ATP2C1: variants seen among roughly 807,000 people sequenced by gnomAD.
The protein encoded by ATP2C1 is calcium-transporting ATPase type 2C member 1.
In ATP2C1, 31 loss-of-function variants were observed where a neutral mutation model predicts 120.5. The ratio of observed to expected loss-of-function variants is 0.26; its 90% CI spans 0.19 to 0.35. The LOEUF (loss-of-function observed/expected upper bound fraction) is 0.35, where lower values mean the gene tolerates loss of function less well. Ranked by LOEUF, ATP2C1 falls within the 10% of genes least tolerant of loss-of-function variation. The pLI is 1.00. For synonymous variants in ATP2C1, 351 were observed against 358.7 expected, an observed-to-expected ratio of 0.98 and a Z score of 0.24; for missense variants, 731 against 1,107.5, an observed-to-expected ratio of 0.66 and a Z score of 4.83.
At chr3:130,909,192 A>G (rs1040308452) in intron 2 of ATP2C1, among the ~76,000 whole-genome samples, 64 of 152,176 alleles carry the variant, frequency 4.2e-4, no homozygotes, top group African/African-American at 1.5e-3. Context: ...TACCACAGGC[A>G]GTAAGGAGGC....
chr3:130,971,481 A>G (rs1308247990), intron 17 of ATP2C1, among the ~76,000 whole-genome samples: 1 of 152,170 alleles, frequency 6.6e-6, no homozygotes, highest in Non-Finnish European at 1.5e-5. Flanking sequence ...TTAACATTTT[A>G]AAAGTAACTT....
At chr3:130,981,815 G>A (rs1418215175) in intron 20 of ATP2C1, among the ~76,000 whole-genome samples, 2 of 152,152 alleles carry the variant, frequency 1.3e-5, no homozygotes, top group Non-Finnish European at 2.9e-5. Flanking sequence ...TAGTGATGTT[G>A]AATATCTTTT....
In ATP2C1 at chr3:130,997,691, C is replaced by A. The variant is rs761914684; in HGVS notation, c.2329C>A (p.Leu777Ile). 6.8e-6 allele frequency: 11 copies of A among 1,613,582 alleles called. No individual in the cohort carries two copies. The South Asian group carries it at 1.2e-4, about 18-fold the overall frequency. Residue 777 changes from leucine to isoleucine, a missense_variant, in exon 25 of 28, where the codon CTT becomes ATT. Physicochemically the swap from Leu to Ile is conservative, Grantham distance 5. Transcript: ENST00000510168. ...CAGCATTTTGACTAAAAACTTGATA[C>A]TTAAAATACTTGTTTCATCAATAAT... ...KDSILTKNLI[L>I]KILVSSIIIV...
At chr3:130,999,392 A>G (rs1179444414) in intron 26 of ATP2C1, 126 bp from the exon 27 acceptor site, 3 of 871,000 alleles carry the variant, frequency 3.4e-6, no homozygotes, top group Non-Finnish European at 5.5e-6. Context: ...AAGATATTTC[A>G]TAGAATTGAC....
At position 130,999,284 on chromosome 3, in the gene ATP2C1, C is replaced by T. The variant is rs550319894; in HGVS notation, c.2488-234C>T. On this transcript the variant is annotated intron_variant, in intron 26 of 27. Transcript: ENST00000510168. ...TTCTATGGTCTAAATTATATAGTGTCACTTTTTAAGCAAGCCTTTTCTTGA... is the reference window on the plus strand; with the variant it reads ...TTCTATGGTCTAAATTATATAGTGTTACTTTTTAAGCAAGCCTTTTCTTGA... 1.6e-3 allele frequency among the ~76,000 whole-genome samples: 238 copies of T among 152,210 alleles called. 1 individual carries two copies. The highest frequency in any genetic ancestry group is 2.7e-3 in the Non-Finnish European group (181 of 67,980).
At chr3:130,905,135 G>T (rs554663563) in intron 2 of ATP2C1, among the ~76,000 whole-genome samples, 1 of 152,106 alleles carries the variant, frequency 6.6e-6, no homozygotes, top group Admixed American at 6.6e-5. Flanking sequence ...ACTAGAGAAT[G>T]ATATCTAGAA....
intron 1 of ATP2C1, among the ~76,000 whole-genome samples, chr3:130,862,764 C>T (rs2107726818): frequency 6.6e-6 from 1 of 152,306 alleles, no homozygotes; most frequent in East Asian, 1.9e-4. Context: ...TGACTACAAA[C>T]CACAATTATA....
At position 130,967,445 on chromosome 3, in the gene ATP2C1, G is replaced by T. The variant is rs1408605503; in HGVS notation, c.1308+26G>T. On this transcript the variant is annotated intron_variant, in intron 16 of 27. Transcript: ENST00000510168. ...GTACGTACCTAAATTTCTCTTCTTTGACATTTGAGACACTGCCCTCACAAC... is the reference window on the plus strand; with the variant it reads ...GTACGTACCTAAATTTCTCTTCTTTTACATTTGAGACACTGCCCTCACAAC... 2.6e-6 allele frequency: 4 copies of T among 1,566,300 alleles called. No homozygotes were observed. In the African/African-American group the frequency reaches 5.4e-5, roughly 21 times the overall value.
intron 1 of ATP2C1, among the ~76,000 whole-genome samples, chr3:130,861,279 A>G (rs1308987436): frequency 6.6e-6 from 1 of 152,158 alleles, no homozygotes; most frequent in Non-Finnish European, 1.5e-5. Flanking sequence ...AAAAGTCTGT[A>G]TCAGGGTTCT....
intron 1 of ATP2C1, chr3:130,869,090 C>G: frequency 6.0e-6 from 1 of 166,260 alleles, no homozygotes; most frequent in Non-Finnish European, 1.2e-5. Flanking sequence ...AAGAAAAATT[C>G]TTCTGCCTTG....
At chr3:130,898,249 A>G (rs1265841919) in intron 2 of ATP2C1, among the ~76,000 whole-genome samples, 1 of 152,212 alleles carries the variant, frequency 6.6e-6, no homozygotes, top group African/African-American at 2.4e-5. Context: ...TAATAGGTGT[A>G]GAGAACAATG....
intron 3 of ATP2C1, among the ~76,000 whole-genome samples, chr3:130,931,215 T>C (rs1380294143): frequency 6.6e-6 from 1 of 152,092 alleles, no homozygotes; most frequent in African/African-American, 2.4e-5. Flanking sequence ...AAGGCTCCTT[T>C]ATTGGACTCT....
Position 130,894,149 on chromosome 3 carries a change from T to TGCCCGC in ATP2C1, c.-369_-368insGCCCGC. On this transcript the variant is annotated 5_prime_UTR_variant, in exon 1 of 28. Transcript: ENST00000510168. The surrounding 1 kb of genome is among the most constrained non-coding windows in gnomAD (Gnocchi z 4.5). ...ACGGGTCCCCTCACCTCCTCTTCTC[T>TGCCCGC]CCCCTCCCCGCCCGCCCTCTCTCCC... The TGCCCGC allele has an allele frequency of 4.3e-6, 3 of 694,856 alleles. No homozygotes were observed. Among genetic ancestry groups the TGCCCGC allele is most frequent in the East Asian group, 1.4e-4 (1 of 7,406 alleles). The allele number at this position is 694,856 out of a possible 1,614,324, so 43.0% of individuals were successfully genotyped here. A position where few individuals can be genotyped will look rare whatever the true frequency, so the allele number is the denominator to read the frequency against.
downstream of ATP2C1, among the ~76,000 whole-genome samples, chr3:131,006,635 T>TTGTG (rs3073260): frequency 2.2e-4 from 32 of 147,238 alleles, no homozygotes; most frequent in South Asian, 1.3e-3. Flanking sequence ...TAGTGTGTGT[T>TTGTG]TGTGTGTGTG....
At chr3:130,972,147 T>C (rs2061345134) in intron 17 of ATP2C1, among the ~76,000 whole-genome samples, 1 of 152,166 alleles carries the variant, frequency 6.6e-6, no homozygotes, top group Non-Finnish European at 1.5e-5. Context: ...CTTGCATGTG[T>C]AGTTCACGAT....
At chr3:130,986,564 T>C (rs1417603714) in intron 20 of ATP2C1, among the ~76,000 whole-genome samples, 1 of 152,220 alleles carries the variant, frequency 6.6e-6, no homozygotes, top group Non-Finnish European at 1.5e-5. Flanking sequence ...TTATAGCAGA[T>C]ATCCTGATGC....
At chr3:130,931,487 A>G (rs1325083299) in intron 3 of ATP2C1, among the ~76,000 whole-genome samples, 1 of 152,102 alleles carries the variant, frequency 6.6e-6, no homozygotes, top group African/African-American at 2.4e-5. Context: ...AGGCCCAGAG[A>G]ACAAGGAAGA....
chr3:130,965,888 A>G (rs537362541), intron 14 of ATP2C1, among the ~76,000 whole-genome samples: 2 of 152,292 alleles, frequency 1.3e-5, no homozygotes, highest in East Asian at 3.9e-4. Context: ...CCTGCTTCAT[A>G]GTAATAAATA....
chr3:130,901,531 C>G (rs2057821541), intron 2 of ATP2C1, among the ~76,000 whole-genome samples: 1 of 151,922 alleles, frequency 6.6e-6, no homozygotes, highest in Non-Finnish European at 1.5e-5. Context: ...TGACTAGATA[C>G]AGAGAATTAA....
Sources: gnomAD v4.1 joint callset for allele counts (sites outside exome capture counted in the v4.1 genomes callset) on GRCh38, gnomAD v4.1.1 for gene constraint, Gnocchi (gnomAD v3.1) non-coding constraint, MANE v1.5 for transcripts, NCBI Gene and HGNC (gene_info 2026-07-23, HGNC 2026-07-21) for gene names.